E2F6: variants seen among roughly 807,000 people sequenced by gnomAD.
The protein encoded by E2F6 is E2F transcription factor 6.
E2F6 carries 19 observed loss-of-function variants against 31.5 expected under a neutral mutation model. That is an observed-to-expected ratio of 0.60 (90% CI 0.42 to 0.89). The LOEUF is 0.89. Ranked by LOEUF, E2F6 falls within the 40% of genes least tolerant of loss-of-function variation. The pLI is 0.00. For synonymous variants in E2F6, 121 were observed against 127.7 expected (o/e 0.95, Z 0.36); for missense variants, 269 against 341.6 (o/e 0.79, Z 1.67).
intron 1 of E2F6, chr2:11,458,447 G>A (rs1392847679): frequency 1.6e-6 from 2 of 1,286,966 alleles, no homozygotes; most frequent in African/African-American, 1.5e-5. Flanking sequence ...GGAACCCACT[G>A]AAGTGGCCAG....
At position 11,462,837 on chromosome 2, in the gene E2F6, T is replaced by C. The variant is rs1320148200; in HGVS notation, c.108+2935A>G. The stretch of plus-strand genomic sequence containing the variant: ...CAAGCAGTTTAAAACTAATGAATTA[T>C]TTCTGGAATTTTCATTTTAATAGTT... On this transcript the variant is annotated intron_variant, in intron 1 of 6. Transcript: ENST00000381525. 2.6e-5 allele frequency among the ~76,000 whole-genome samples: 4 copies of C among 152,208 alleles called. No homozygotes were observed. In the East Asian group the frequency reaches 7.7e-4, roughly 29 times the overall value.
intron 5 of E2F6, among the ~76,000 whole-genome samples, chr2:11,448,224 C>T (rs554142046): frequency 2.0e-5 from 3 of 152,270 alleles, no homozygotes; most frequent in South Asian, 2.1e-4. Flanking sequence ...AAATCGTTTA[C>T]ATTATTTATA....
chr2:11,450,069 G>A lies in E2F6; in HGVS notation c.594C>T (p.Ile198=), dbSNP rs893552931. ...CTGCTGGAGCTTTAACTGCAATGAC[G>A]ATCTGTTCATGGAAGGCCTGAATGC... ...IHSIQAFHEQ[I]VIAVKAPAET... Residue 198 remains isoleucine, a synonymous_variant, in exon 5 of 7, where the codon ATC becomes ATT. Coordinates refer to ENST00000381525, the MANE Select transcript of E2F6 (RefSeq NM_198256.4). 6 of 1,613,578 alleles carry A rather than the reference G, an allele frequency of 3.7e-6. No individual in the cohort carries two copies. Among genetic ancestry groups the A allele is most frequent in the Middle Eastern group, 1.7e-4 (1 of 6,044 alleles).
rs1313925430 is a variant in E2F6 at position 11,455,784 on chromosome 2, AT to A, written c.163+1394del. ...CCGTAGTCTAATAAGGAACTCTATT[AT>A]ATGTCCTGAGGTAAGTGCTAAGAGA... On this transcript the variant is annotated intron_variant, in intron 2 of 6. Transcript: ENST00000381525. Among the ~76,000 whole-genome samples, 6 of 152,360 alleles carry A rather than the reference AT, an allele frequency of 3.9e-5. No individual in the cohort carries two copies. In the East Asian group the frequency reaches 1.2e-3, roughly 29 times the overall value.
At chr2:11,460,359 T>C (rs1223769525) in intron 1 of E2F6, among the ~76,000 whole-genome samples, 1 of 152,202 alleles carries the variant, frequency 6.6e-6, no homozygotes, top group Non-Finnish European at 1.5e-5. Context: ...CAATCAATGC[T>C]ATTTTCTCCC....
At position 11,458,481 on chromosome 2, in the gene E2F6, G is replaced by A. The variant is rs1164059738; in HGVS notation, c.109-1248C>T. On this transcript the variant is annotated intron_variant, in intron 1 of 6. Transcript: ENST00000381525. The stretch of plus-strand genomic sequence containing the variant: ...AGTGTGTAAGTGACTTGACTTTGAA[G>A]CTGGGAGGGCATGCTGGCACCACAT... 4.6e-6 allele frequency: 4 copies of A among 866,042 alleles called. No individual in the cohort carries two copies. In the East Asian group the frequency reaches 1.1e-4, roughly 23 times the overall value. 53.6% of individuals were successfully genotyped at this position (866,042 alleles called of 1,614,324 possible). A position where few individuals can be genotyped will look rare whatever the true frequency, so the allele number is the denominator to read the frequency against.
intron 1 of E2F6, among the ~76,000 whole-genome samples, chr2:11,464,007 G>A (rs1038850264): frequency 6.7e-6 from 1 of 149,436 alleles, no homozygotes; most frequent in Non-Finnish European, 1.5e-5. Context: ...ATGGGAAGAG[G>A]ATGAGGACAA....
intron 5 of E2F6, 80 bp downstream of exon 5, chr2:11,449,932 G>A: frequency 9.0e-7 from 1 of 1,112,082 alleles, no homozygotes; most frequent in Non-Finnish European, 1.3e-6. Context: ...CGGCTCTTAA[G>A]TATGACTGCA....
At chr2:11,450,515 C>T (rs910843529) in intron 4 of E2F6, among the ~76,000 whole-genome samples, 1 of 151,982 alleles carries the variant, frequency 6.6e-6, no homozygotes, top group African/African-American at 2.4e-5. Context: ...CTTACTATAA[C>T]TTTGAGAAAA....
chr2:11,451,045 G>A (rs560894751), intron 4 of E2F6, among the ~76,000 whole-genome samples: 45 of 152,136 alleles, frequency 3.0e-4, no homozygotes, highest in Admixed American at 9.8e-4. Context: ...GCGCTTCTGT[G>A]GACACAAATG....
At position 11,449,523 on chromosome 2, in the gene E2F6, A is replaced by C. The variant is rs151321643; in HGVS notation, c.651+489T>G. Among the ~76,000 whole-genome samples, 474 of 152,360 alleles carry C rather than the reference A, an allele frequency of 3.1e-3. 3 individuals carry two copies. Among genetic ancestry groups the C allele is most frequent in the Non-Finnish European group, 5.5e-3 (375 of 68,032 alleles). The stretch of plus-strand genomic sequence containing the variant: ...CTGCAAGGGAAAGAACGCACTGAGC[A>C]GCTGGCGGCTGACAAAAATAATGTT... On this transcript the variant is annotated intron_variant, in intron 5 of 6. Coordinates refer to ENST00000381525, the MANE Select transcript of E2F6 (RefSeq NM_198256.4).
At chr2:11,465,737 A>G in intron 1 of E2F6, 35 bp downstream of exon 1, 1 of 1,552,240 alleles carries the variant, frequency 6.4e-7, no homozygotes. Context: ...GATTTGGGAG[A>G]CCACCGCCCG....
chr2:11,458,410 A>C, intron 1 of E2F6: 2 of 1,520,138 alleles, frequency 1.3e-6, no homozygotes, highest in Non-Finnish European at 1.8e-6. Flanking sequence ...AAAGGTGTGA[A>C]GATGTATATG....
intron 1 of E2F6, among the ~76,000 whole-genome samples, chr2:11,458,521 A>G (rs952648987): frequency 3.9e-5 from 6 of 152,262 alleles, no homozygotes; most frequent in African/African-American, 7.2e-5. Flanking sequence ...CTAATGCTAA[A>G]GAGTTTGGAC....
At chr2:11,457,830 A>G (rs1671504598) in intron 1 of E2F6, among the ~76,000 whole-genome samples, 1 of 152,232 alleles carries the variant, frequency 6.6e-6, no homozygotes, top group South Asian at 2.1e-4. Context: ...GCAGCTATGC[A>G]TTCCCATTAT....
At chr2:11,450,990 CCT>C (rs1572492567) in intron 4 of E2F6, among the ~76,000 whole-genome samples, 3 of 152,104 alleles carry the variant, frequency 2.0e-5, no homozygotes, top group South Asian at 2.1e-4. Flanking sequence ...CCCCCAGCTC[CCT>C]GAGACACTGA....
In E2F6 at chr2:11,453,811, ATAAACAT is replaced by A; in HGVS notation, c.164-20_164-14del. 1 of 1,600,148 alleles carries A rather than the reference ATAAACAT, an allele frequency of 6.2e-7. No homozygotes were observed. Among genetic ancestry groups the A allele is most frequent in the Non-Finnish European group, 8.5e-7 (1 of 1,171,376 alleles). On this transcript the variant is annotated splice_polypyrimidine_tract_variant and intron_variant, in intron 2 of 6. Transcript: ENST00000381525. ...ACTTTTAGAGCTTCTGGGAAACAAA[ATAAACAT>A]ATTTGTAAAATTTTAAATAACATTT...
chr2:11,459,543 T>C (rs1337753045), intron 1 of E2F6, among the ~76,000 whole-genome samples: 1 of 152,100 alleles, frequency 6.6e-6, no homozygotes, highest in Non-Finnish European at 1.5e-5. Flanking sequence ...ATCACAACAG[T>C]ACCATTGCCC....
At chr2:11,456,209 C>G (rs143136592) in intron 2 of E2F6, among the ~76,000 whole-genome samples, 1 of 152,156 alleles carries the variant, frequency 6.6e-6, no homozygotes, top group Non-Finnish European at 1.5e-5. Flanking sequence ...ATCAAATATA[C>G]AAGGAATCAG....
Sources: gnomAD v4.1 joint callset for allele counts (sites outside exome capture counted in the v4.1 genomes callset) on GRCh38, gnomAD v4.1.1 for gene constraint, MANE v1.5 for transcripts, NCBI Gene and HGNC (gene_info 2026-07-23, HGNC 2026-07-21) for gene names.